The following GOLGA3 variants were observed in gnomAD, a reference collection of about 807,000 sequenced individuals.
GOLGA3 encodes the protein golgin subfamily A member 3.
A neutral mutation model predicts 169.4 loss-of-function variants in GOLGA3; 75 were observed. The observed-to-expected ratio is 0.44, with a 90% CI of 0.37 to 0.54. GOLGA3 has a LOEUF of 0.54. GOLGA3 is among the 20% of genes least tolerant of loss of function. GOLGA3 has a pLI of 0.00. For missense variants in GOLGA3, 1,899 were observed against 1,930.0 expected (o/e 0.98, Z 0.30); for synonymous variants, 824 against 822.4 (o/e 1.00, Z -0.03).
Position 132,770,043 on chromosome 12 carries a change from G to A in GOLGA3, c.*3062C>T, listed in dbSNP as rs539436164. On this transcript the variant is annotated 3_prime_UTR_variant, in exon 24 of 24. Coordinates refer to ENST00000450791, the MANE Select transcript of GOLGA3 (RefSeq NM_001389683.1). ...GAGGTCAAGAGTTCAAGACCAGCCT[G>A]GCCAACATGGTGGAACTCCACCCCT... The A allele has an allele frequency of 2.0e-5, 3 of 152,224 alleles. No individual in the cohort carries two copies. The highest frequency in any genetic ancestry group is 4.4e-5 in the Non-Finnish European group (3 of 68,026). The allele number at this position is 152,224 out of a possible 1,614,324, so 9.4% of individuals were successfully genotyped here.
chr12:132,798,108 G>C (rs543862709), intron 9 of GOLGA3, among the ~76,000 whole-genome samples: 2 of 142,926 alleles, frequency 1.4e-5, no homozygotes, highest in Admixed American at 7.3e-5. Flanking sequence ...GGGTGGGGGG[G>C]GTCCCAAAGC....
Position 132,769,556 on chromosome 12 carries a change from G to C in GOLGA3, c.*3549C>G, listed in dbSNP as rs1399386657. The C allele has an allele frequency of 6.6e-6, 1 of 152,218 alleles. No individual in the cohort carries two copies. The highest frequency in any genetic ancestry group is 2.4e-5 in the African/African-American group (1 of 41,446). 9.4% of individuals were successfully genotyped at this position (152,218 alleles called of 1,614,324 possible). Reference sequence around the variant, plus strand: ...AGTGGGAACGGGTGTGAGTCCGTAAGACCCGTAGCATCAATCTCACATATA... The same window carrying C: ...AGTGGGAACGGGTGTGAGTCCGTAACACCCGTAGCATCAATCTCACATATA... On this transcript the variant is annotated 3_prime_UTR_variant, in exon 24 of 24. Transcript: ENST00000450791.
In GOLGA3 at chr12:132,796,214, A is replaced by G; in HGVS notation, c.2107T>C (p.Leu703=). The G allele has an allele frequency of 6.3e-7, 1 of 1,586,274 alleles. No homozygotes were observed. The highest frequency in any genetic ancestry group is 8.6e-7 in the Non-Finnish European group (1 of 1,162,684). Residue 703 remains leucine, a synonymous_variant, in exon 11 of 24, where the codon TTG becomes CTG. Transcript: ENST00000450791. ...TGCTGGTCTCGCTGGAGTAAAGTCAACTTCACCTGGAGAAGGAATGAAGCC... is the reference window on the plus strand; with the variant it reads ...TGCTGGTCTCGCTGGAGTAAAGTCAGCTTCACCTGGAGAAGGAATGAAGCC... ...SLEQQLEQVK[L]TLLQRDQQLE... is the part of the protein sequence containing the mutation.
chr12:132,780,682 A>C lies in GOLGA3; in HGVS notation c.3582+116T>G, dbSNP rs570026694. The C allele has an allele frequency of 1.2e-4, 82 of 703,058 alleles. No individual in the cohort carries two copies. The East Asian group carries it at 2.0e-3, about 17-fold the overall frequency. 43.6% of individuals were successfully genotyped at this position (703,058 alleles called of 1,614,324 possible). A position where few individuals can be genotyped will look rare whatever the true frequency, so the allele number is the denominator to read the frequency against. On this transcript the variant is annotated intron_variant, in intron 18 of 23. Coordinates refer to ENST00000450791, the MANE Select transcript of GOLGA3 (RefSeq NM_001389683.1). ...GGCCTCCGTCACCAACAACTGCAAC[A>C]CACCTTTGCTCTGTGTAACTGCTGG... is the stretch of plus-strand genomic sequence containing the variant.
Position 132,789,096 on chromosome 12 carries a change from G to C in GOLGA3, c.2742C>G (p.His914Gln), listed in dbSNP as rs748291816. 5 of 1,613,160 alleles carry C rather than the reference G, an allele frequency of 3.1e-6. No individual in the cohort carries two copies. Among genetic ancestry groups the C allele is most frequent in the Non-Finnish European group, 2.5e-6 (3 of 1,179,832 alleles). ...GGAGATGCCCTTCAAGGTCCGCCATGTGCTGACGGACCTGGGCCACCTCTC... is the reference window on the plus strand; with the variant it reads ...GGAGATGCCCTTCAAGGTCCGCCATCTGCTGACGGACCTGGGCCACCTCTC... ...LHREVAQVRQ[H>Q]MADLEGHLQS... Residue 914 changes from histidine (H) to glutamine (Q), a missense_variant, in exon 13 of 24, where the codon CAC becomes CAG. Transcript: ENST00000450791.
chr12:132,783,994 G>A (rs2045757669), intron 16 of GOLGA3, 170 bp downstream of exon 16: 2 of 1,496,908 alleles, frequency 1.3e-6, no homozygotes, highest in Non-Finnish European at 1.8e-6. Context: ...TGGAATCAGG[G>A]CCTGCCCCAC....
At chr12:132,812,284 A>G (rs1949760224) in intron 4 of GOLGA3, among the ~76,000 whole-genome samples, 1 of 151,844 alleles carries the variant, frequency 6.6e-6, no homozygotes, top group Non-Finnish European at 1.5e-5. Context: ...CTCTGATGGG[A>G]GATGTACAAG....
chr12:132,796,825 T>G, intron 9 of GOLGA3, 125 bp from the exon 10 acceptor site: 1 of 963,456 alleles, frequency 1.0e-6, no homozygotes, highest in Non-Finnish European at 1.6e-6. Flanking sequence ...CCTCATCCTG[T>G]CTACCGACTG....
At chr12:132,795,124 T>A (rs1948766209) in intron 11 of GOLGA3, among the ~76,000 whole-genome samples, 1 of 149,936 alleles carries the variant, frequency 6.7e-6, no homozygotes, top group South Asian at 2.1e-4. Flanking sequence ...GAGGCAGAGG[T>A]TGCAGTGAGC....
chr12:132,809,288 C>T (rs1269881321), intron 4 of GOLGA3, among the ~76,000 whole-genome samples: 1 of 152,340 alleles, frequency 6.6e-6, no homozygotes, highest in East Asian at 1.9e-4. Context: ...AGGAGTGTGA[C>T]CACTGAAGCA....
intron 2 of GOLGA3, among the ~76,000 whole-genome samples, chr12:132,817,207 G>A (rs545597321): frequency 1.3e-4 from 17 of 130,942 alleles, no homozygotes; most frequent in African/African-American, 3.7e-4. Context: ...ACGCTCTAAG[G>A]TGAACCCGCC....
intron 1 of GOLGA3, 80 bp from the exon 2 acceptor site, chr12:132,822,391 C>A: frequency 1.3e-6 from 1 of 762,272 alleles, no homozygotes; most frequent in Non-Finnish European, 1.9e-6. Flanking sequence ...ATTTGGTTCC[C>A]AATTTGCATA....
chr12:132,791,308 T>A lies in GOLGA3; in HGVS notation c.2470-15A>T. The A allele has an allele frequency of 6.6e-7, 1 of 1,518,956 alleles. No homozygotes were observed. Among genetic ancestry groups the A allele is most frequent in the Non-Finnish European group, 9.1e-7 (1 of 1,097,728 alleles). 94.1% of individuals were successfully genotyped at this position (1,518,956 alleles called of 1,614,324 possible). On this transcript the variant is annotated splice_polypyrimidine_tract_variant and intron_variant, in intron 11 of 23. Transcript: ENST00000450791. ...AGGTGTTCCACCTGTGGGAGACATGTGCACAGACATTACACTGACGGCTCC... is the reference window on the plus strand; with the variant it reads ...AGGTGTTCCACCTGTGGGAGACATGAGCACAGACATTACACTGACGGCTCC...
intron 16 of GOLGA3, 92 bp downstream of exon 16, chr12:132,784,072 A>G: frequency 1.9e-6 from 3 of 1,576,404 alleles, no homozygotes; most frequent in Non-Finnish European, 2.6e-6. Context: ...CACACGGTGA[A>G]GTTTTGTTCT....
Position 132,795,885 on chromosome 12 carries a change from C to A in GOLGA3, c.2436G>T (p.Lys812Asn). 1 of 1,613,954 alleles carries A rather than the reference C, an allele frequency of 6.2e-7. No individual in the cohort carries two copies. The highest frequency in any genetic ancestry group is 8.5e-7 in the Non-Finnish European group (1 of 1,179,820). ...ATTTGATAGCTAATTCTTCTCTTAA[C>A]TTCTCTAAAGTTTCCGACGTTTCCT... Reference protein sequence around the residue: ...GTEETSETLEKLREELAIKSG... With the variant: ...GTEETSETLENLREELAIKSG... Residue 812 changes from lysine (K) to asparagine (N), a missense_variant, in exon 11 of 24, where the codon AAG becomes AAT. Coordinates refer to ENST00000450791, the MANE Select transcript of GOLGA3 (RefSeq NM_001389683.1).
chr12:132,799,341 G>C (rs1476272577), intron 8 of GOLGA3, among the ~76,000 whole-genome samples: 1 of 152,172 alleles, frequency 6.6e-6, no homozygotes, highest in African/African-American at 2.4e-5. Flanking sequence ...GCTGAACCTG[G>C]GTTCCAAAGG....
chr12:132,798,347 C>A lies in GOLGA3; in HGVS notation c.1931G>T (p.Gly644Val), dbSNP rs190009747. 6.2e-7 allele frequency: 1 copy of A among 1,610,220 alleles called. No individual in the cohort carries two copies. Among genetic ancestry groups the A allele is most frequent in the Non-Finnish European group, 8.5e-7 (1 of 1,179,002 alleles). ...CCCCGGCCGCAGCCTCACCTCAATG[C>A]CCTGCAGCTGTGCCGCGATGCGCCC... ...EKGRIAAQLQ[G>V]IEADMLDQEA... is the part of the protein sequence containing the mutation. The change falls in exon 9 of 24, where the codon GGC becomes GTC. Residue 644 changes from glycine to valine, a missense_variant. By Grantham distance (109) the Gly-to-Val change is moderately radical. Coordinates refer to ENST00000450791, the MANE Select transcript of GOLGA3 (RefSeq NM_001389683.1).
intron 4 of GOLGA3, among the ~76,000 whole-genome samples, chr12:132,809,107 C>CT (rs1203652555): frequency 6.6e-6 from 1 of 152,222 alleles, no homozygotes. Context: ...CACGTGTCCA[C>CT]TGGACGGGGG....
chr12:132,792,851 G>A (rs1468706718), intron 11 of GOLGA3, among the ~76,000 whole-genome samples: 1 of 112,362 alleles, frequency 8.9e-6, no homozygotes, highest in Admixed American at 9.2e-5. Context: ...CCGACCACAC[G>A]GGACCTGCAC....
Sources: allele counts gnomAD v4.1 joint callset (sites outside exome capture counted in the v4.1 genomes callset), GRCh38; gene constraint gnomAD v4.1.1; transcripts MANE v1.5; gene names NCBI Gene and HGNC (gene_info 2026-07-23, HGNC 2026-07-21).